ANO7: variants seen among roughly 807,000 people sequenced by gnomAD.
The protein encoded by ANO7 is anoctamin 7.
ANO7 carries 114 observed loss-of-function variants against 115.8 expected under a neutral mutation model. The ratio of observed to expected loss-of-function variants is 0.98; its 90% CI spans 0.85 to 1.15. The LOEUF is 1.15. Among genes scored for constraint, ANO7 ranks in the 50% most tolerant of loss-of-function variants. The pLI is 0.00. For synonymous variants in ANO7, 550 were observed against 498.2 expected (o/e 1.10, Z -1.38); for missense variants, 1,302 against 1,201.2 (o/e 1.08, Z -1.24).
chr2:241,229,604 T>C, downstream of ANO7: 1 of 1,612,660 alleles, frequency 6.2e-7, no homozygotes. Context: ...TTGATCATTA[T>C]CGTTTGGGGC....
At chr2:241,229,564 G>T, downstream of ANO7, 1 of 1,514,388 alleles carries the variant, frequency 6.6e-7, no homozygotes, top group Non-Finnish European at 9.2e-7. Context: ...TTGGGTTTGG[G>T]TCAGCAGGCT....
intron 5 of ANO7, among the ~76,000 whole-genome samples, chr2:241,199,636 C>T (rs912218774): frequency 5.4e-4 from 82 of 152,258 alleles, no homozygotes; most frequent in African/African-American, 1.9e-3. Context: ...GAGGTGGGGT[C>T]GGGTGAACAG....
chr2:241,189,194 C>T lies in ANO7; in HGVS notation c.-8+428C>T, dbSNP rs370164744. Among the ~76,000 whole-genome samples the T allele has an allele frequency of 9.7e-4, 147 of 151,152 alleles. 1 individual carries two copies. The highest frequency in any genetic ancestry group is 3.5e-3 in the Middle Eastern group (1 of 288). The stretch of plus-strand genomic sequence containing the variant: ...CGTAGTGAGGCTCCCAGCCTGGGGC[C>T]GGGGCCGAGTCCTAACACTGAGACC... On this transcript the variant is annotated intron_variant, in intron 1 of 24. Transcript: ENST00000674324.
rs752516742 is a variant in ANO7, at chr2:241,216,187, G to C, written c.1921G>C (p.Asp641His). ...GGCTAGCCAGGGGCCCTGGGAGGACGACTATGAGCTTGTGCCCTGTGAGGG... is the reference window on the plus strand; with the variant it reads ...GGCTAGCCAGGGGCCCTGGGAGGACCACTATGAGCTTGTGCCCTGTGAGGG... ...AGASQGPWED[D>H]YELVPCEGLF... Residue 641 changes from aspartate (D) to histidine (H), a missense_variant, in exon 19 of 25, where the codon GAC (aspartate) becomes CAC (histidine). By Grantham distance (81) the Asp-to-His change is moderately conservative. Transcript: ENST00000674324. 1.1e-5 allele frequency: 17 copies of C among 1,612,964 alleles called. No individual in the cohort carries two copies. The highest frequency in any genetic ancestry group is 1.4e-5 in the Non-Finnish European group (17 of 1,179,794).
intron 19 of ANO7, among the ~76,000 whole-genome samples, chr2:241,216,856 C>T (rs766727125): frequency 3.3e-5 from 5 of 152,312 alleles, no homozygotes; most frequent in Non-Finnish European, 7.4e-5. Flanking sequence ...TTTTTTGAGA[C>T]GGAGTCTCCC....
chr2:241,229,363 C>T (rs147268261), downstream of ANO7: 668 of 449,110 alleles, frequency 1.5e-3, 8 homozygotes, highest in African/African-American at 0.011. Context: ...TATCTTAGCA[C>T]GAATGCTCAT....
chr2:241,189,239 A>G (rs1415197252), intron 1 of ANO7, among the ~76,000 whole-genome samples: 1 of 152,182 alleles, frequency 6.6e-6, no homozygotes, highest in Non-Finnish European at 1.5e-5. Context: ...CTTCAGGGTT[A>G]GGCAGGTGCA....
At chr2:241,215,888 C>T (rs897372660) in intron 18 of ANO7, among the ~76,000 whole-genome samples, 22 of 152,236 alleles carry the variant, frequency 1.4e-4, no homozygotes, top group Non-Finnish European at 2.4e-4. Flanking sequence ...ATCTGACCAA[C>T]AGACACAGAC....
At chr2:241,234,045 G>C in the ANO7 span, 1 of 1,498,422 alleles carries the variant, frequency 6.7e-7, no homozygotes, top group East Asian at 2.3e-5. Context: ...CCTGGTCATA[G>C]GACACTGGAG....
chr2:241,234,057 T>C, the ANO7 span: 2 of 1,389,982 alleles, frequency 1.4e-6, no homozygotes, highest in African/African-American at 1.4e-5. Context: ...ACACTGGAGA[T>C]GCTGCAGTGT....
chr2:241,235,255 CCTA>C, the ANO7 span: 1 of 1,614,170 alleles, frequency 6.2e-7, no homozygotes, highest in Non-Finnish European at 8.5e-7. Context: ...TGTATGTTCA[CCTA>C]CGTGAAGAGG....
chr2:241,234,104 C>G, the ANO7 span: 1 of 874,866 alleles, frequency 1.1e-6, no homozygotes, highest in Non-Finnish European at 1.8e-6. Context: ...CGCCATCTCT[C>G]TGGTCCGACC....
Position 241,225,049 on chromosome 2 carries a change from G to C in ANO7, c.*896G>C, listed in dbSNP as rs548209665. ...GTGTTCATACATAATTGTTTTCCAC[G>C]CTGGATCATAATGTGACGTGCAGTT... On this transcript the variant is annotated 3_prime_UTR_variant, in exon 25 of 25. Coordinates refer to ENST00000674324, the MANE Select transcript of ANO7 (RefSeq NM_001370694.2). 8 of 152,118 alleles carry C rather than the reference G, an allele frequency of 5.3e-5. No individual in the cohort carries two copies. Among genetic ancestry groups the C allele is most frequent in the African/African-American group, 1.9e-4 (8 of 41,420 alleles). 9.4% of individuals were successfully genotyped at this position (152,118 alleles called of 1,614,324 possible).
At chr2:241,230,634 C>T, downstream of ANO7, 1 of 832,176 alleles carries the variant, frequency 1.2e-6, no homozygotes, top group Non-Finnish European at 1.9e-6. The surrounding 1 kb of genome is among the most constrained non-coding windows in gnomAD (Gnocchi z 5.0). Flanking sequence ...GACAGTTCCA[C>T]TGCCAGCCCT....
At chr2:241,196,132 T>A in intron 4 of ANO7, 1 of 1,356,980 alleles carries the variant, frequency 7.4e-7, no homozygotes, top group Non-Finnish European at 9.5e-7. Context: ...CATTCACCTG[T>A]CCCGTCTCCA....
In ANO7 at chr2:241,212,646, G is replaced by A. The variant is rs371357162; in HGVS notation, c.1728+20G>A. 2.6e-5 allele frequency: 42 copies of A among 1,606,836 alleles called. No individual in the cohort carries two copies. The highest frequency in any genetic ancestry group is 1.8e-4 in the South Asian group (16 of 89,548). On this transcript the variant is annotated intron_variant, in intron 17 of 24. Coordinates refer to ENST00000674324, the MANE Select transcript of ANO7 (RefSeq NM_001370694.2). ...GAGGAGGTGAGTGTGCCTGAGGCCCGGGACTGGGGGATGAGCTGTGTGCTT... is the reference window on the plus strand; with the variant it reads ...GAGGAGGTGAGTGTGCCTGAGGCCCAGGACTGGGGGATGAGCTGTGTGCTT...
At chr2:241,232,693 A>G in the ANO7 span, among the ~76,000 whole-genome samples, 1 of 152,140 alleles carries the variant, frequency 6.6e-6, no homozygotes, top group Non-Finnish European at 1.5e-5. Flanking sequence ...TCACAGCTGT[A>G]GTCCCAGCTA....
intron 3 of ANO7, among the ~76,000 whole-genome samples, chr2:241,192,382 TCA>T (rs1299091668): frequency 6.6e-6 from 1 of 152,150 alleles, no homozygotes; most frequent in Non-Finnish European, 1.5e-5. Context: ...CTTTCTTTTC[TCA>T]CAGTCTTGGG....
At chr2:241,192,091 C>T (rs958713856) in intron 3 of ANO7, among the ~76,000 whole-genome samples, 2 of 152,220 alleles carry the variant, frequency 1.3e-5, no homozygotes, top group African/African-American at 4.8e-5. Context: ...AATCCCAGCA[C>T]TTTGGGAGGC....
Sources: allele counts gnomAD v4.1 joint callset (sites outside exome capture counted in the v4.1 genomes callset), GRCh38; gene constraint gnomAD v4.1.1; non-coding constraint Gnocchi (gnomAD v3.1); transcripts MANE v1.5; gene names NCBI Gene and HGNC (gene_info 2026-07-23, HGNC 2026-07-21).